Variants in MCTP1 observed in about 807,000 individuals in gnomAD.
MCTP1 encodes the protein multiple C2 and transmembrane domain-containing protein 1.
A neutral mutation model predicts 120.6 loss-of-function variants in MCTP1; 69 were observed. The ratio of observed to expected loss-of-function variants is 0.57; its 90% CI spans 0.47 to 0.70. MCTP1 has a LOEUF of 0.70. Among genes scored for constraint, MCTP1 ranks in the 30% least tolerant of loss-of-function variants. The pLI, the probability that MCTP1 is intolerant of heterozygous loss-of-function variation, is 0.00. For missense variants in MCTP1, 1,203 were observed against 1,248.8 expected (o/e 0.96, Z 0.55); for synonymous variants, 529 against 493.1 (o/e 1.07, Z -0.96).
chr5:95,081,629 C>T (rs1009959225), intron 1 of MCTP1: 18 of 1,344,374 alleles, frequency 1.3e-5, no homozygotes, highest in Non-Finnish European at 1.7e-5. Flanking sequence ...CTGCTCTGCA[C>T]AGCAGCGACT....
intron 7 of MCTP1, among the ~76,000 whole-genome samples, chr5:94,919,732 C>A (rs1811062043): frequency 6.6e-6 from 1 of 152,160 alleles, no homozygotes; most frequent in South Asian, 2.1e-4. Context: ...TTAGCTCAAT[C>A]CCAGGCAAAG....
intron 1 of MCTP1, among the ~76,000 whole-genome samples, chr5:95,197,560 G>A (rs75150423): frequency 0.012 from 1,831 of 152,012 alleles, 40 homozygotes; most frequent in African/African-American, 0.04. Context: ...AGATCTCTAC[G>A]ACATATTAAT....
intron 3 of MCTP1, among the ~76,000 whole-genome samples, chr5:94,952,184 A>C (rs1419954508): frequency 6.6e-6 from 1 of 151,418 alleles, no homozygotes; most frequent in African/African-American, 2.4e-5. Flanking sequence ...AAAAAAAAAA[A>C]AAAAAAAAAG....
At chr5:95,080,019 A>C (rs1039996115) in intron 1 of MCTP1, among the ~76,000 whole-genome samples, 1 of 152,180 alleles carries the variant, frequency 6.6e-6, no homozygotes, top group African/African-American at 2.4e-5. Context: ...TCTAACAGAA[A>C]GGGTTGGAAG....
intron 2 of MCTP1, among the ~76,000 whole-genome samples, chr5:94,970,993 A>T (rs1826722643): frequency 6.6e-6 from 1 of 151,982 alleles, no homozygotes; most frequent in South Asian, 2.1e-4. Flanking sequence ...GGGTATTATT[A>T]ATTGCAATGA....
intron 19 of MCTP1, among the ~76,000 whole-genome samples, chr5:94,753,326 C>T (rs1264080712): frequency 6.6e-6 from 1 of 152,168 alleles, no homozygotes; most frequent in East Asian, 1.9e-4. Context: ...TCTAGTCATG[C>T]AGTTTGCACA....
chr5:95,214,105 A>C (rs558027093), intron 1 of MCTP1, among the ~76,000 whole-genome samples: 1 of 152,420 alleles, frequency 6.6e-6, no homozygotes, highest in African/African-American at 2.4e-5. Context: ...AAATTTTGGC[A>C]ACCTACTCAT....
chr5:94,716,073 T>C (rs532408883), intron 19 of MCTP1, among the ~76,000 whole-genome samples: 4 of 152,344 alleles, frequency 2.6e-5, no homozygotes, highest in Admixed American at 2.0e-4. Flanking sequence ...GGCAAGTGAA[T>C]GACAGATGTG....
intron 17 of MCTP1, among the ~76,000 whole-genome samples, chr5:94,828,425 G>A (rs1422942063): frequency 6.6e-6 from 1 of 152,184 alleles, no homozygotes; most frequent in African/African-American, 2.4e-5. Context: ...CAGGAGGCAC[G>A]GGGGTCAAGG....
chr5:95,241,995 T>G (rs911260911), intron 1 of MCTP1, among the ~76,000 whole-genome samples: 3 of 152,148 alleles, frequency 2.0e-5, no homozygotes, highest in African/African-American at 7.2e-5. Flanking sequence ...TTAATGAACG[T>G]CAACACCTTT....
intron 17 of MCTP1, among the ~76,000 whole-genome samples, chr5:94,837,609 G>A (rs1243992509): frequency 6.6e-6 from 1 of 152,180 alleles, no homozygotes; most frequent in Non-Finnish European, 1.5e-5. Context: ...CTGGTACATG[G>A]TATAAGCCCA....
chr5:95,167,308 T>C (rs985209052), intron 1 of MCTP1, among the ~76,000 whole-genome samples: 3 of 152,324 alleles, frequency 2.0e-5, no homozygotes, highest in African/African-American at 4.8e-5. Context: ...CAGTCTATCA[T>C]TGATGGACAT....
chr5:94,818,004 G>A (rs762082754), intron 17 of MCTP1, among the ~76,000 whole-genome samples: 2 of 152,158 alleles, frequency 1.3e-5, no homozygotes, highest in African/African-American at 4.8e-5. Flanking sequence ...ATACTAATCG[G>A]TTCAAGGATG....
chr5:95,192,832 C>A (rs1749972916), intron 1 of MCTP1, among the ~76,000 whole-genome samples: 1 of 152,008 alleles, frequency 6.6e-6, no homozygotes. Flanking sequence ...TATTACGGTT[C>A]CAGTGACATT....
In MCTP1 at chr5:94,787,344, A is replaced by T. The variant is rs150727321; in HGVS notation, c.2557-8181T>A. On this transcript the variant is annotated intron_variant, in intron 18 of 22. Coordinates refer to ENST00000515393, the MANE Select transcript of MCTP1 (RefSeq NM_024717.7). Reference sequence around the variant, plus strand: ...AATTTCTTTATATGCTTTTATTGATAAAAATACAGTTTTTATTTTTGTGGG... The same window carrying T: ...AATTTCTTTATATGCTTTTATTGATTAAAATACAGTTTTTATTTTTGTGGG... Among the ~76,000 whole-genome samples the T allele has an allele frequency of 4.3e-3, 658 of 152,310 alleles. 3 individuals are homozygous for T. Among genetic ancestry groups the T allele is most frequent in the African/African-American group, 0.014 (601 of 41,564 alleles).
At chr5:94,753,267 C>A (rs1381787636) in intron 19 of MCTP1, among the ~76,000 whole-genome samples, 1 of 152,204 alleles carries the variant, frequency 6.6e-6, no homozygotes, top group East Asian at 1.9e-4. Flanking sequence ...ACTCCCTACA[C>A]TTATCTTGCA....
intron 3 of MCTP1, among the ~76,000 whole-genome samples, chr5:94,948,842 G>A (rs2153522942): frequency 6.6e-6 from 1 of 152,258 alleles, no homozygotes; most frequent in Middle Eastern, 3.4e-3. Context: ...AACCAGGGAT[G>A]AGAATCATTG....
In MCTP1 at chr5:94,912,988, T is replaced by C. The variant is rs758823701; in HGVS notation, c.1351-12A>G. 7 of 1,583,704 alleles carry C rather than the reference T, an allele frequency of 4.4e-6. No homozygotes were observed. The highest frequency in any genetic ancestry group is 3.5e-5 in the South Asian group (3 of 85,574). On this transcript the variant is annotated splice_polypyrimidine_tract_variant and intron_variant, in intron 8 of 22. Transcript: ENST00000515393. Reference sequence around the variant, plus strand: ...CTTTGGGTCTGAAACTTTTGGCAAATGAAAATTGAGTTAGGTTACTGTGTT... The same window carrying C: ...CTTTGGGTCTGAAACTTTTGGCAAACGAAAATTGAGTTAGGTTACTGTGTT...
At chr5:95,138,925 C>A (rs1335874586) in intron 1 of MCTP1, among the ~76,000 whole-genome samples, 3 of 152,152 alleles carry the variant, frequency 2.0e-5, no homozygotes. Context: ...GAATTTGTCA[C>A]AGTCTTCATT....
Sources: gnomAD v4.1 joint callset for allele counts (sites outside exome capture counted in the v4.1 genomes callset) on GRCh38, gnomAD v4.1.1 for gene constraint, MANE v1.5 for transcripts, NCBI Gene and HGNC (gene_info 2026-07-23, HGNC 2026-07-21) for gene names.